NUP153: variants seen among roughly 807,000 people sequenced by gnomAD.
NUP153 encodes nuclear pore complex protein Nup153.
Under a neutral mutation model 134.6 loss-of-function variants are expected in NUP153, and 27 were observed. The ratio of observed to expected loss-of-function variants is 0.20; its 90% confidence interval spans 0.15 to 0.28. NUP153 has a LOEUF of 0.28. NUP153 is among the 10% of genes least tolerant of loss of function. NUP153 has a pLI of 1.00. For missense variants in NUP153, 1,821 were observed against 1,731.3 expected (o/e 1.05, Z -0.92); for synonymous variants, 640 against 623.5 (o/e 1.03, Z -0.40).
At chr6:17,658,271 C>G (rs560935710) in intron 11 of NUP153, among the ~76,000 whole-genome samples, 4 of 152,210 alleles carry the variant, frequency 2.6e-5, no homozygotes, top group Non-Finnish European at 2.9e-5. Context: ...TGGCACATGC[C>G]TGTAATCACA....
At chr6:17,689,186 G>C (rs1769127221) in intron 1 of NUP153, among the ~76,000 whole-genome samples, 1 of 152,016 alleles carries the variant, frequency 6.6e-6, no homozygotes, top group African/African-American at 2.4e-5. Flanking sequence ...GGGAGTTCAA[G>C]ACCAGCCTGA....
intron 14 of NUP153, among the ~76,000 whole-genome samples, 187 bp downstream of exon 14, chr6:17,645,880 G>A (rs575343219): frequency 1.0e-3 from 155 of 152,196 alleles, no homozygotes; most frequent in Non-Finnish European, 1.7e-3. Context: ...AAGGAGCTAA[G>A]TATCTCTAAA....
At chr6:17,651,710 G>T (rs547664660) in intron 11 of NUP153, 2 of 391,310 alleles carry the variant, frequency 5.1e-6, no homozygotes, top group Non-Finnish European at 9.0e-6. Flanking sequence ...TTTTTAAAAG[G>T]ACACTTAATA....
Position 17,628,510 on chromosome 6 carries a change from G to T in NUP153, c.3544+145C>A. On this transcript the variant is annotated intron_variant, in intron 18 of 21. Transcript: ENST00000262077. This position sits in a 1 kb window ranked among gnomAD's most constrained non-coding sequence, Gnocchi z 5.4. ...AGAGCAGTTCAAACTGAAAATCCTA[G>T]GTTCCTTCCCAAAGAGTTCTGTATT... 1 of 389,538 alleles carries T rather than the reference G, an allele frequency of 2.6e-6. No homozygotes were observed. Among genetic ancestry groups the T allele is most frequent in the Non-Finnish European group, 4.2e-6 (1 of 235,394 alleles). 24.1% of individuals were successfully genotyped at this position (389,538 alleles called of 1,614,324 possible). A position where few individuals can be genotyped will look rare whatever the true frequency, so the allele number is the denominator to read the frequency against.
intron 1 of NUP153, among the ~76,000 whole-genome samples, chr6:17,700,184 C>CAAA (rs972870845): frequency 6.7e-6 from 1 of 150,242 alleles, no homozygotes; most frequent in Non-Finnish European, 1.5e-5. Flanking sequence ...TGGTCTCCCA[C>CAAA]AAAAAAAAAG....
chr6:17,684,728 A>G (rs74332361), intron 2 of NUP153, among the ~76,000 whole-genome samples: 3,091 of 152,278 alleles, frequency 0.02, 114 homozygotes, highest in African/African-American at 0.07. Flanking sequence ...TTTGGATAAA[A>G]GACGGGGAAC....
chr6:17,635,740 G>A (rs78424454), intron 16 of NUP153, among the ~76,000 whole-genome samples: 6 of 152,146 alleles, frequency 3.9e-5, no homozygotes, highest in South Asian at 4.1e-4. Flanking sequence ...TCTATCTTCC[G>A]GTCTCCAAAT....
intron 8 of NUP153, among the ~76,000 whole-genome samples, chr6:17,668,669 C>T (rs891215579): frequency 3.3e-5 from 5 of 151,658 alleles, no homozygotes; most frequent in African/African-American, 1.2e-4. Flanking sequence ...ACGGTGAAAC[C>T]CTATCTCTAC....
At chr6:17,618,571 T>C (rs1469363897) in intron 20 of NUP153, among the ~76,000 whole-genome samples, 1 of 151,482 alleles carries the variant, frequency 6.6e-6, no homozygotes, top group African/African-American at 2.4e-5. Flanking sequence ...TCTTTTTTTT[T>C]TTTTTTTTTT....
intron 1 of NUP153, among the ~76,000 whole-genome samples, chr6:17,690,266 G>A (rs1394435467): frequency 9.5e-6 from 1 of 105,178 alleles, no homozygotes; most frequent in Admixed American, 1.0e-4. Context: ...GCAGGAGAAT[G>A]GCGTGAACCC....
At position 17,646,129 on chromosome 6, in the gene NUP153, A is replaced by G. The variant is rs150060913; in HGVS notation, c.1658T>C (p.Val553Ala). 1.5e-4 allele frequency: 246 copies of G among 1,596,502 alleles called. No individual in the cohort carries two copies. In the African/African-American group the frequency reaches 3.1e-3, roughly 20 times the overall value. ...SSIGFTFSVP[V>A]AKTAELSGSS... Reference sequence around the variant, plus strand: ...ACCAGAAAGTTCTGCTGTTTTTGCAACAGGCACACTAAATGTAAATCCAAT... The same window carrying G: ...ACCAGAAAGTTCTGCTGTTTTTGCAGCAGGCACACTAAATGTAAATCCAAT... The change falls in exon 14 of 22, where the codon GTT becomes GCT. Residue 553 changes from valine (V) to alanine (A), a missense_variant. By Grantham distance (64) the Val-to-Ala change is moderately conservative (BLOSUM62 0). Coordinates refer to ENST00000262077, the MANE Select transcript of NUP153 (RefSeq NM_005124.4).
intron 20 of NUP153, among the ~76,000 whole-genome samples, chr6:17,622,454 G>A (rs1235784012): frequency 3.9e-5 from 6 of 152,246 alleles, no homozygotes; most frequent in Middle Eastern, 3.4e-3. Flanking sequence ...GGCAAGGTGA[G>A]ACCCTGTCTC....
Position 17,615,820 on chromosome 6 carries a change from G to C in NUP153, c.*277C>G. The C allele has an allele frequency of 2.7e-6, 1 of 369,590 alleles. No individual in the cohort carries two copies. Among genetic ancestry groups the C allele is most frequent in the East Asian group, 5.0e-5 (1 of 20,168 alleles). The allele number at this position is 369,590 out of a possible 1,614,324, so 22.9% of individuals were successfully genotyped here. A position where few individuals can be genotyped will look rare whatever the true frequency, so the allele number is the denominator to read the frequency against. On this transcript the variant is annotated 3_prime_UTR_variant, in exon 22 of 22. Coordinates refer to ENST00000262077, the MANE Select transcript of NUP153 (RefSeq NM_005124.4). The surrounding 1 kb of genome is among the most constrained non-coding windows in gnomAD (Gnocchi z 5.7). The stretch of plus-strand genomic sequence containing the variant: ...ATTCACCGTGCAGGCTCCATTCCTG[G>C]GTACAGCCAGACTATGTCAAATCAG...
intron 1 of NUP153, among the ~76,000 whole-genome samples, chr6:17,696,019 A>C (rs993986993): frequency 1.3e-5 from 2 of 151,938 alleles, no homozygotes; most frequent in Admixed American, 6.6e-5. Context: ...AAAAAAAAAA[A>C]CAGAAAAAGA....
At chr6:17,678,051 T>TTTCA (rs1561898116) in intron 2 of NUP153, among the ~76,000 whole-genome samples, 1 of 152,052 alleles carries the variant, frequency 6.6e-6, no homozygotes, top group Non-Finnish European at 1.5e-5. Flanking sequence ...GCTTCTAATG[T>TTTCA]TTCACCATTA....
At chr6:17,663,937 CACAA>C (rs1368090547) in intron 9 of NUP153, among the ~76,000 whole-genome samples, 2 of 152,014 alleles carry the variant, frequency 1.3e-5, no homozygotes, top group South Asian at 2.1e-4. Flanking sequence ...TGTCCACACA[CACAA>C]ACACACAAAA....
chr6:17,649,104 TTTAAA>T, intron 12 of NUP153, 54 bp downstream of exon 12: 1 of 1,451,532 alleles, frequency 6.9e-7, no homozygotes, highest in Non-Finnish European at 9.3e-7. Context: ...TAGGGTTTTT[TTTAAA>T]TAAAGAATTA....
At chr6:17,664,159 G>A (rs950592153) in intron 9 of NUP153, among the ~76,000 whole-genome samples, 2 of 152,080 alleles carry the variant, frequency 1.3e-5, no homozygotes, top group Non-Finnish European at 2.9e-5. Flanking sequence ...ATACTACGAC[G>A]TGAATGAACC....
chr6:17,674,033 T>C (rs1025684147), intron 5 of NUP153, among the ~76,000 whole-genome samples: 2 of 152,130 alleles, frequency 1.3e-5, no homozygotes, highest in Admixed American at 1.3e-4. Context: ...CAAAAACAAA[T>C]GGATCTCAAA....
Sources: allele counts gnomAD v4.1 joint callset (sites outside exome capture counted in the v4.1 genomes callset), GRCh38; gene constraint gnomAD v4.1.1; non-coding constraint Gnocchi (gnomAD v3.1); transcripts MANE v1.5; gene names NCBI Gene and HGNC (gene_info 2026-07-23, HGNC 2026-07-21).